The following PDCL variants were observed in gnomAD, a reference collection of about 807,000 sequenced individuals.
PDCL encodes the protein phosducin like.
A neutral mutation model predicts 26.7 loss-of-function variants in PDCL; 11 were observed. The ratio of observed to expected loss-of-function variants is 0.41; its 90% CI spans 0.26 to 0.68. PDCL has a LOEUF of 0.68. PDCL is among the 30% of genes least tolerant of loss of function. The pLI is 0.30. For missense variants in PDCL, 330 were observed against 371.6 expected, an observed-to-expected ratio of 0.89 and a Z score of 0.92; for synonymous variants, 118 against 134.9, an observed-to-expected ratio of 0.87 and a Z score of 0.87.
intron 2 of PDCL, among the ~76,000 whole-genome samples, chr9:122,824,701 C>G (rs1051856458): frequency 6.6e-6 from 1 of 152,214 alleles, no homozygotes; most frequent in Non-Finnish European, 1.5e-5. Flanking sequence ...ACATACTCAA[C>G]ATCACAAAAG....
At chr9:122,824,307 T>C (rs1164810218) in intron 2 of PDCL, among the ~76,000 whole-genome samples, 8 of 152,212 alleles carry the variant, frequency 5.3e-5, no homozygotes, top group Admixed American at 5.2e-4. Flanking sequence ...ATATGAAGTA[T>C]GCCATGTCTG....
chr9:122,826,614 A>T lies in PDCL; in HGVS notation c.172+2T>A. On this transcript the variant is annotated splice_donor_variant, in intron 2 of 3. Coordinates refer to ENST00000259467, the MANE Select transcript of PDCL (RefSeq NM_005388.5). LOFTEE classifies it high-confidence loss of function. ...TTCCCAGAGCCCAGGGTTTCTCAGTACCTGTGTTAACTGAGATGCCTTCGC... is the reference window on the plus strand; with the variant it reads ...TTCCCAGAGCCCAGGGTTTCTCAGTTCCTGTGTTAACTGAGATGCCTTCGC... The T allele has an allele frequency of 6.2e-7, 1 of 1,613,236 alleles. No individual in the cohort carries two copies. Among genetic ancestry groups the T allele is most frequent in the Non-Finnish European group, 8.5e-7 (1 of 1,179,366 alleles).
rs866223881 is a variant in PDCL at position 122,820,387 on chromosome 9, T to C, written c.604A>G (p.Met202Val). Residue 202 changes from methionine to valine, a missense_variant, in exon 4 of 4, where the codon ATG (methionine) becomes GTG (valine). By Grantham distance (21) the Met-to-Val change is conservative (BLOSUM62 1). Transcript: ENST00000259467. The stretch of plus-strand genomic sequence containing the variant: ...GGGTACTCTGCGGCAAGGCAGATCA[T>C]GCAACCATTCATGGCTTCGGTCCCT... ...IPGTEAMNGC[M>V]ICLAAEYPAV... 1 of 1,614,206 alleles carries C rather than the reference T, an allele frequency of 6.2e-7. No homozygotes were observed. Among genetic ancestry groups the C allele is most frequent in the Middle Eastern group, 1.6e-4 (1 of 6,062 alleles).
rs1564267556 is a variant in PDCL at position 122,819,757 on chromosome 9, C to T, written c.*328G>A. On this transcript the variant is annotated 3_prime_UTR_variant, in exon 4 of 4. Coordinates refer to ENST00000259467, the MANE Select transcript of PDCL (RefSeq NM_005388.5). Reference sequence around the variant, plus strand: ...ATACTCTCAGACTTGGCAGAGACCTCTAAGATCATCTGAAGACAATTTCCA... The same window carrying T: ...ATACTCTCAGACTTGGCAGAGACCTTTAAGATCATCTGAAGACAATTTCCA... 1.4e-5 allele frequency: 3 copies of T among 212,076 alleles called. No individual in the cohort carries two copies. The highest frequency in any genetic ancestry group is 2.8e-5 in the Non-Finnish European group (3 of 108,078). The allele number at this position is 212,076 out of a possible 1,614,324, so 13.1% of individuals were successfully genotyped here. A position where few individuals can be genotyped will look rare whatever the true frequency, so the allele number is the denominator to read the frequency against.
In PDCL at chr9:122,826,974, C is replaced by CT. The variant is rs752976552; in HGVS notation, c.-5-183dup. Reference sequence around the variant, plus strand: ...CCTGTGTGTTAGGGCTTATCACACTCTTTAACAGAAGGTAAAACTGAAGCT... The same window carrying CT: ...CCTGTGTGTTAGGGCTTATCACACTCTTTTAACAGAAGGTAAAACTGAAGCT... On this transcript the variant is annotated intron_variant, in intron 1 of 3. Transcript: ENST00000259467. Among the ~76,000 whole-genome samples the CT allele has an allele frequency of 1.1e-3, 173 of 152,132 alleles. 2 individuals carry two copies. The highest frequency in any genetic ancestry group is 2.0e-3 in the Non-Finnish European group (135 of 68,010).
chr9:122,819,268 T>C lies in PDCL; in HGVS notation c.*817A>G, dbSNP rs1277744864. On this transcript the variant is annotated 3_prime_UTR_variant, in exon 4 of 4. Coordinates refer to ENST00000259467, the MANE Select transcript of PDCL (RefSeq NM_005388.5). Reference sequence around the variant, plus strand: ...TTTTCCTCTACTGAATATGAATTACTTTTCCAATATGAAAAAAAAAAAAAG... The same window carrying C: ...TTTTCCTCTACTGAATATGAATTACCTTTCCAATATGAAAAAAAAAAAAAG... The C allele has an allele frequency of 7.3e-5, 11 of 151,678 alleles. No homozygotes were observed. Among genetic ancestry groups the C allele is most frequent in the Non-Finnish European group, 1.6e-4 (11 of 67,980 alleles). The allele number at this position is 151,678 out of a possible 1,614,324, so 9.4% of individuals were successfully genotyped here. A position where few individuals can be genotyped will look rare whatever the true frequency, so the allele number is the denominator to read the frequency against.
Position 122,826,710 on chromosome 9 carries a change from G to A in PDCL, c.78C>T (p.Asp26=). The A allele has an allele frequency of 6.2e-7, 1 of 1,614,102 alleles. No homozygotes were observed. Among genetic ancestry groups the A allele is most frequent in the Non-Finnish European group, 8.5e-7 (1 of 1,180,012 alleles). ...ATCTGCCTCGGTCCTTGTCCTCGTG[G>A]TCACTGTCCTCATCCTCACTGCTGC... ...YYSSSEDEDS[D]HEDKDRGRCA... The change falls in exon 2 of 4, where the codon GAC becomes GAT. Residue 26 remains aspartate (D), a synonymous_variant. Coordinates refer to ENST00000259467, the MANE Select transcript of PDCL (RefSeq NM_005388.5).
chr9:122,826,067 G>A (rs998619986), intron 2 of PDCL, among the ~76,000 whole-genome samples: 2 of 152,090 alleles, frequency 1.3e-5, no homozygotes, highest in Admixed American at 1.3e-4. Context: ...ACTCCAGCCT[G>A]AGCAACAAGG....
In PDCL at chr9:122,820,609, T is replaced by C. The variant is rs948433160; in HGVS notation, c.382A>G (p.Asn128Asp). 3 of 1,611,688 alleles carry C rather than the reference T, an allele frequency of 1.9e-6. No individual in the cohort carries two copies. Among genetic ancestry groups the C allele is most frequent in the Non-Finnish European group, 2.5e-6 (3 of 1,179,188 alleles). The change falls in exon 4 of 4, where the codon AAT becomes GAT. Residue 128 changes from asparagine (N) to aspartate (D), a missense_variant. By Grantham distance (23) the Asn-to-Asp change is conservative. Coordinates refer to ENST00000259467, the MANE Select transcript of PDCL (RefSeq NM_005388.5). ...KMTLKEFAIM[N>D]EDQDDEEFLQ... ...AACTCTTCATCATCTTGGTCCTCAT[T>C]CATTATGGCAAACTCCTTCAGAGTC...
At chr9:122,821,607 A>G (rs1829555011) in intron 3 of PDCL, among the ~76,000 whole-genome samples, 1 of 152,142 alleles carries the variant, frequency 6.6e-6, no homozygotes, top group African/African-American at 2.4e-5. Flanking sequence ...ATAATGTGTC[A>G]CTTTGCTTAA....
At position 122,820,086 on chromosome 9, in the gene PDCL, C is replaced by G. The variant is rs1829532418; in HGVS notation, c.905G>C (p.Ter302SerextTer7). 2 of 1,591,972 alleles carry G rather than the reference C, an allele frequency of 1.3e-6. No individual in the cohort carries two copies. The highest frequency in any genetic ancestry group is 2.7e-5 in the African/African-American group (2 of 74,296). ...HSEDSDLEID[*>S] is the part of the protein sequence containing the mutation. ...AATCTATGCAACTAGACTATCAGTT[C>G]AATCTATTTCCAGGTCGCTATCCTC... Residue 302 changes from the stop codon to serine, a stop_lost, in exon 4 of 4, where the codon TGA (stop) becomes TCA (serine). Coordinates refer to ENST00000259467, the MANE Select transcript of PDCL (RefSeq NM_005388.5).
intron 3 of PDCL, among the ~76,000 whole-genome samples, chr9:122,821,158 C>T (rs561701246): frequency 6.6e-6 from 1 of 152,182 alleles, no homozygotes; most frequent in South Asian, 2.1e-4. Flanking sequence ...GGTTCCAAAA[C>T]TTGACATTAT....
At position 122,818,164 on chromosome 9, in the gene PDCL, A is replaced by C. The variant is rs536647173; in HGVS notation, c.*1921T>G. On this transcript the variant is annotated 3_prime_UTR_variant, in exon 4 of 4. Coordinates refer to ENST00000259467, the MANE Select transcript of PDCL (RefSeq NM_005388.5). ...GTGCCTGTAGTCCCAGCTACTCAGG[A>C]GGCTGAGGCAGGAGAACTGCTTGAA... Among the ~76,000 whole-genome samples the C allele has an allele frequency of 3.5e-4, 54 of 152,324 alleles. No homozygotes were observed. The highest frequency in any genetic ancestry group is 5.4e-4 in the Non-Finnish European group (37 of 68,034).
At chr9:122,821,848 G>A (rs918008663) in intron 3 of PDCL, among the ~76,000 whole-genome samples, 13 of 151,996 alleles carry the variant, frequency 8.6e-5, no homozygotes, top group African/African-American at 3.1e-4. Context: ...AGACATCCTC[G>A]CTCCTCTCAT....
chr9:122,822,670 C>A (rs1447540040), intron 3 of PDCL, among the ~76,000 whole-genome samples: 2 of 152,132 alleles, frequency 1.3e-5, no homozygotes, highest in African/African-American at 4.8e-5. Context: ...TTATTTCTGG[C>A]CCAAGATAAA....
intron 2 of PDCL, among the ~76,000 whole-genome samples, chr9:122,824,589 A>G (rs1829599440): frequency 6.6e-6 from 1 of 152,138 alleles, no homozygotes; most frequent in Non-Finnish European, 1.5e-5. Flanking sequence ...GGTTTCACAG[A>G]AAAAAAATAT....
At chr9:122,820,961 G>A in intron 3 of PDCL, 1 of 266,066 alleles carries the variant, frequency 3.8e-6, no homozygotes, top group South Asian at 4.3e-5. Context: ...TCACACCAGT[G>A]CACTCCAGCC....
chr9:122,824,881 A>T (rs1829603577), intron 2 of PDCL, among the ~76,000 whole-genome samples: 1 of 152,220 alleles, frequency 6.6e-6, no homozygotes, highest in South Asian at 2.1e-4. Flanking sequence ...AATAATTAAA[A>T]ACAGTATGAC....
In PDCL at chr9:122,820,451, G is replaced by A; in HGVS notation, c.540C>T (p.Ser180=). The A allele has an allele frequency of 6.2e-7, 1 of 1,614,066 alleles. No homozygotes were observed. Among genetic ancestry groups the A allele is most frequent in the Non-Finnish European group, 8.5e-7 (1 of 1,180,012 alleles). Residue 180 remains serine, a synonymous_variant, in exon 4 of 4, where the codon AGC becomes AGT. Coordinates refer to ENST00000259467, the MANE Select transcript of PDCL (RefSeq NM_005388.5). ...FLDMIDKEQK[S]IVIMVHIYED... ...CATAAATATGAACCATGATGACAAT[G>A]CTTTTCTGTTCTTTATCAATCATGT...
Sources: gnomAD v4.1 joint callset for allele counts (sites outside exome capture counted in the v4.1 genomes callset) on GRCh38, gnomAD v4.1.1 for gene constraint, MANE v1.5 for transcripts, NCBI Gene and HGNC (gene_info 2026-07-23, HGNC 2026-07-21) for gene names.